The following HMCN1 variants were observed in gnomAD, a reference collection of about 807,000 sequenced individuals.
HMCN1 encodes hemicentin 1.
In HMCN1, 321 loss-of-function variants were observed where a neutral mutation model predicts 625.9. The observed-to-expected ratio is 0.51, with a 90% confidence interval of 0.47 to 0.56. HMCN1 has a LOEUF of 0.56. Among genes scored for constraint, HMCN1 ranks in the 20% least tolerant of loss-of-function variants. HMCN1 has a pLI of 0.00. For synonymous variants in HMCN1, 2,425 were observed against 2,417.6 expected, an observed-to-expected ratio of 1.00 and a Z score of -0.09; for missense variants, 6,588 against 6,887.3, an observed-to-expected ratio of 0.96 and a Z score of 1.54.
At chr1:185,743,829 A>G (rs1355049286) in intron 1 of HMCN1, among the ~76,000 whole-genome samples, 1 of 152,214 alleles carries the variant, frequency 6.6e-6, no homozygotes, top group Non-Finnish European at 1.5e-5. Context: ...TAAAAGTACT[A>G]TAGAACAAAT....
rs753628392 is a variant in HMCN1, at chr1:186,178,484, A to C, written c.16012A>C (p.Lys5338Gln). ...GTGCTCCAACACCCCCGGCAGCTTC[A>C]AGTGTATCTGTCCACCAGGACAACA... ...HQCSNTPGSF[K>Q]CICPPGQHLL... Residue 5338 changes from lysine (K) to glutamine (Q), a missense_variant, in exon 104 of 107, where the codon AAG becomes CAG. Lys to Gln is a moderately conservative substitution (Grantham distance 53). Around this residue, in one of 3 missense-constraint regions of HMCN1, gnomAD observed 1,954 missense variants for 2,013.1 expected, o/e 0.97. Coordinates refer to ENST00000271588, the MANE Select transcript of HMCN1 (RefSeq NM_031935.3). The C allele has an allele frequency of 6.2e-7, 1 of 1,614,064 alleles. No homozygotes were observed. The highest frequency in any genetic ancestry group is 1.1e-5 in the South Asian group (1 of 91,070).
At chr1:186,104,235 A>T (rs2102446416) in intron 69 of HMCN1, among the ~76,000 whole-genome samples, 1 of 152,304 alleles carries the variant, frequency 6.6e-6, no homozygotes, top group African/African-American at 2.4e-5. Context: ...TGTTACAATT[A>T]TTCTCCATCT....
intron 45 of HMCN1, 106 bp downstream of exon 45, chr1:186,055,780 A>G: frequency 1.8e-6 from 2 of 1,126,430 alleles, no homozygotes; most frequent in Non-Finnish European, 2.7e-6. Context: ...TTTATAACCC[A>G]TCATTTTAAA....
chr1:186,011,257 GGA>G (rs1653984113), intron 30 of HMCN1, among the ~76,000 whole-genome samples: 1 of 152,136 alleles, frequency 6.6e-6, no homozygotes, highest in African/African-American at 2.4e-5. Context: ...GTGTTAGCCA[GGA>G]TGGTCTCGAA....
In HMCN1 at chr1:186,166,942, G is replaced by T. The variant is rs1403211984; in HGVS notation, c.15574G>T (p.Asp5192Tyr). ...AACCTCTGATGGGCTGAGTTGTCAA[G>T]GTATAAAAATGGAGGCCTTTTCTTT... is the stretch of plus-strand genomic sequence containing the variant. ...RRTSDGLSCQ[D>Y]INECQESSPC... Residue 5192 changes from aspartate (D) to tyrosine (Y), a missense_variant and splice_region_variant, in exon 100 of 107, where the codon GAT (aspartate) becomes TAT (tyrosine). Around this residue, in one of 3 missense-constraint regions of HMCN1, gnomAD observed 1,954 missense variants for 2,013.1 expected, o/e 0.97. Transcript: ENST00000271588. 2 of 1,613,958 alleles carry T rather than the reference G, an allele frequency of 1.2e-6. No homozygotes were observed. The highest frequency in any genetic ancestry group is 1.7e-6 in the Non-Finnish European group (2 of 1,179,970).
chr1:185,760,065 G>A (rs1655391789), intron 1 of HMCN1, among the ~76,000 whole-genome samples: 1 of 152,100 alleles, frequency 6.6e-6, no homozygotes, highest in Non-Finnish European at 1.5e-5. Flanking sequence ...ATGTTTTGGG[G>A]TATGATATTG....
intron 13 of HMCN1, 113 bp from the exon 14 acceptor site, chr1:185,965,689 A>G: frequency 1.4e-6 from 1 of 735,154 alleles, no homozygotes; most frequent in Non-Finnish European, 2.5e-6. Flanking sequence ...GTTTATAAAT[A>G]TTGAAATGGC....
intron 81 of HMCN1, among the ~76,000 whole-genome samples, chr1:186,124,170 GT>G (rs1661532056): frequency 6.6e-6 from 1 of 151,948 alleles, no homozygotes; most frequent in African/African-American, 2.4e-5. Flanking sequence ...TTGTTAATAA[GT>G]TTCAAAAAGA....
At chr1:185,996,663 T>A (rs561555527) in intron 24 of HMCN1, among the ~76,000 whole-genome samples, 35 of 151,952 alleles carry the variant, frequency 2.3e-4, no homozygotes, top group African/African-American at 8.4e-4. Flanking sequence ...GTAGTTAGAA[T>A]GGGGAAAAGA....
chr1:185,848,246 G>A (rs901367959), intron 2 of HMCN1, among the ~76,000 whole-genome samples: 5 of 152,026 alleles, frequency 3.3e-5, no homozygotes, highest in Admixed American at 3.3e-4. Context: ...TATCAAAGTA[G>A]CATTAGCTAG....
chr1:185,857,516 A>G (rs1662545312), intron 2 of HMCN1, among the ~76,000 whole-genome samples: 1 of 151,802 alleles, frequency 6.6e-6, no homozygotes, highest in African/African-American at 2.4e-5. Context: ...TAGGAAATAT[A>G]TTTACATAGC....
At chr1:185,898,159 A>G (rs1272579726) in intron 4 of HMCN1, among the ~76,000 whole-genome samples, 1 of 152,190 alleles carries the variant, frequency 6.6e-6, no homozygotes, top group Non-Finnish European at 1.5e-5. Flanking sequence ...CTATGGGCGT[A>G]ATACAGAGAA....
chr1:185,948,853 C>G (rs1281329340), intron 11 of HMCN1, among the ~76,000 whole-genome samples: 1 of 151,514 alleles, frequency 6.6e-6, no homozygotes, highest in East Asian at 1.9e-4. Flanking sequence ...CTGCTTCAAG[C>G]GGGATTAGGG....
chr1:186,055,310 A>T, intron 44 of HMCN1, 83 bp from the exon 45 acceptor site: 1 of 1,203,736 alleles, frequency 8.3e-7, no homozygotes, highest in Non-Finnish European at 1.2e-6. Flanking sequence ...AATATATTTA[A>T]GTTTGGCTGA....
At chr1:186,154,537 A>G (rs1650872449) in intron 97 of HMCN1, among the ~76,000 whole-genome samples, 1 of 152,186 alleles carries the variant, frequency 6.6e-6, no homozygotes, top group Non-Finnish European at 1.5e-5. Context: ...GCAAAGAAAA[A>G]CATACAATGT....
In HMCN1 at chr1:186,123,100, G is replaced by C. The variant is rs758778660; in HGVS notation, c.12379G>C (p.Val4127Leu). 1.2e-6 allele frequency: 2 copies of C among 1,613,972 alleles called. No homozygotes were observed. The highest frequency in any genetic ancestry group is 1.7e-6 in the Non-Finnish European group (2 of 1,180,014). Reference protein sequence around the residue: ...RAIVESIRQRVLSSGSLQIAF... With the variant: ...RAIVESIRQRLLSSGSLQIAF... ...AATTGTGGAATCTATCCGCCAGCGC[G>C]TCCTCAGCTCTGGCTCTCTGCAAAT... The change falls in exon 81 of 107, where the codon GTC becomes CTC. Residue 4127 changes from valine to leucine, a missense_variant. Physicochemically the swap from Val to Leu is conservative, Grantham distance 32. Transcript: ENST00000271588.
intron 105 of HMCN1, among the ~76,000 whole-genome samples, chr1:186,185,989 A>G (rs931001980): frequency 3.3e-5 from 5 of 152,186 alleles, no homozygotes; most frequent in Non-Finnish European, 7.3e-5. Context: ...AAAGTTTCTT[A>G]TAAGTTTAAA....
intron 71 of HMCN1, among the ~76,000 whole-genome samples, chr1:186,110,452 A>G (rs1571364798): frequency 6.6e-6 from 1 of 152,206 alleles, no homozygotes; most frequent in African/African-American, 2.4e-5. Flanking sequence ...GTGGTTAACA[A>G]AGGCCACAGA....
At chr1:185,841,327 A>T (rs1345222554) in intron 1 of HMCN1, among the ~76,000 whole-genome samples, 2 of 152,198 alleles carry the variant, frequency 1.3e-5, no homozygotes, top group South Asian at 2.1e-4. Flanking sequence ...ACTGTTTTTT[A>T]AAAAATAAGT....
Sources: allele counts gnomAD v4.1 joint callset (sites outside exome capture counted in the v4.1 genomes callset), GRCh38; gene constraint gnomAD v4.1.1; regional missense constraint gnomAD v4.1.1; transcripts MANE v1.5; gene names NCBI Gene and HGNC (gene_info 2026-07-23, HGNC 2026-07-21).